Variants in ZNF283 observed in about 807,000 individuals in gnomAD.
ZNF283 encodes the protein zinc finger protein 283, also known as zinc finger protein 41.
ZNF283 carries 10 observed loss-of-function variants against 9.2 expected under a neutral mutation model. The ratio of observed to expected loss-of-function variants is 1.09; its 90% CI spans 0.67 to 1.85. ZNF283 has a LOEUF of 1.85. Ranked by LOEUF, ZNF283 falls within the 40% of genes most tolerant of loss-of-function variation. The pLI is 0.00. For missense variants in ZNF283, 631 were observed against 760.1 expected, an observed-to-expected ratio of 0.83 and a Z score of 2.00; for synonymous variants, 234 against 244.1, an observed-to-expected ratio of 0.96 and a Z score of 0.38.
chr19:43,844,700 AAAT>A (rs1259684364), intron 6 of ZNF283, among the ~76,000 whole-genome samples: 1 of 152,166 alleles, frequency 6.6e-6, no homozygotes, highest in Non-Finnish European at 1.5e-5. Flanking sequence ...AGCTCAACCA[AAAT>A]GTTATACAGT....
intron 6 of ZNF283, 47 bp from the exon 7 acceptor site, chr19:43,846,892 T>TTG: frequency 8.4e-7 from 1 of 1,192,326 alleles, no homozygotes; most frequent in Non-Finnish European, 1.1e-6. Context: ...TTTTTTTTTT[T>TTG]CCCTAGTGAA....
chr19:43,851,701 A>C lies in ZNF283; in HGVS notation c.*3060A>C, dbSNP rs1971616299. The stretch of plus-strand genomic sequence containing the variant: ...CACTGCACTCCAGCCTGGGCGACAG[A>C]GCGAGACTCCGTCTCAAAAAAATAA... On this transcript the variant is annotated 3_prime_UTR_variant, in exon 7 of 7. Coordinates refer to ENST00000618787, the MANE Select transcript of ZNF283 (RefSeq NM_181845.2). 6.6e-6 allele frequency: 1 copy of C among 152,288 alleles called. No individual in the cohort carries two copies. Among genetic ancestry groups the C allele is most frequent in the Non-Finnish European group, 1.5e-5 (1 of 68,082 alleles). The allele number at this position is 152,288 out of a possible 1,614,324, so 9.4% of individuals were successfully genotyped here.
chr19:43,836,291 A>G (rs1488985558), intron 5 of ZNF283, among the ~76,000 whole-genome samples: 1 of 152,212 alleles, frequency 6.6e-6, no homozygotes, highest in African/African-American at 2.4e-5. Flanking sequence ...AATCATTTTT[A>G]TAAAATAAAG....
At position 43,848,567 on chromosome 19, in the gene ZNF283, T is replaced by G; in HGVS notation, c.1966T>G (p.Tyr656Asp). Residue 656 changes from tyrosine to aspartate, a missense_variant, in exon 7 of 7, where the codon TAT becomes GAT. This residue lies in a region of ZNF283 where 444 missense variants were observed against 522.5 expected (regional missense o/e 0.85). Coordinates refer to ENST00000618787, the MANE Select transcript of ZNF283 (RefSeq NM_181845.2). Reference protein sequence around the residue: ...RTHSNDKPYKYNECGEAFLWT... With the variant: ...RTHSNDKPYKDNECGEAFLWT... ...TCATAGTAATGATAAACCCTACAAA[T>G]ATAACGAATGTGGGGAAGCCTTTCT... 6.3e-7 allele frequency: 1 copy of G among 1,598,370 alleles called. No individual in the cohort carries two copies. Among genetic ancestry groups the G allele is most frequent in the Admixed American group, 1.7e-5 (1 of 59,432 alleles).
intron 6 of ZNF283, among the ~76,000 whole-genome samples, chr19:43,843,272 C>T (rs60085895): frequency 0.4 from 61,473 of 151,914 alleles, 12,856 homozygotes; most frequent in South Asian, 0.55. Context: ...ACCCGAGAGG[C>T]GGAGGTTGCA....
chr19:43,842,939 A>C (rs956285016), intron 6 of ZNF283, among the ~76,000 whole-genome samples: 1 of 126,144 alleles, frequency 7.9e-6, no homozygotes, highest in Non-Finnish European at 1.8e-5. Flanking sequence ...TTATATATAC[A>C]TTTAAAAAAT....
intron 3 of ZNF283, among the ~76,000 whole-genome samples, chr19:43,832,916 G>T (rs2146536665): frequency 6.6e-6 from 1 of 151,500 alleles, no homozygotes; most frequent in East Asian, 1.9e-4. Context: ...TCTAGCTACT[G>T]GGGATGGAGG....
At position 43,847,798 on chromosome 19, in the gene ZNF283, T is replaced by C. The variant is rs4485481; in HGVS notation, c.1197T>C (p.Gly399=). 1.2e-5 allele frequency: 19 copies of C among 1,613,682 alleles called. No individual in the cohort carries two copies. The highest frequency in any genetic ancestry group is 1.5e-5 in the Non-Finnish European group (18 of 1,179,870). Residue 399 remains glycine (G), a synonymous_variant, in exon 7 of 7, where the codon GGT becomes GGC. Coordinates refer to ENST00000618787, the MANE Select transcript of ZNF283 (RefSeq NM_181845.2). ...CTCGACATCAGATATTTCATACTGG[T>C]GAGAAACCCTATGAATGCAAGGAAT... The part of the protein sequence containing the change: ...QLTRHQIFHT[G]EKPYECKECG...
chr19:43,828,759 G>T (rs1970580785), intron 2 of ZNF283, among the ~76,000 whole-genome samples: 3 of 152,168 alleles, frequency 2.0e-5, no homozygotes, highest in Admixed American at 2.0e-4. Flanking sequence ...GGGCTCAGGT[G>T]TTCCTCTGGC....
chr19:43,841,971 T>G (rs1307680339), intron 6 of ZNF283, among the ~76,000 whole-genome samples: 1 of 152,202 alleles, frequency 6.6e-6, no homozygotes, highest in Non-Finnish European at 1.5e-5. Context: ...TATGGTTCCT[T>G]TACATTTATC....
chr19:43,835,691 C>G (rs1970947176), intron 5 of ZNF283, 99 bp downstream of exon 5: 1 of 893,926 alleles, frequency 1.1e-6, no homozygotes, highest in East Asian at 2.7e-5. Context: ...CTCCATAGAC[C>G]CAAGTTTTCC....
At chr19:43,833,093 A>G (rs373318199) in intron 3 of ZNF283, among the ~76,000 whole-genome samples, 8 of 150,970 alleles carry the variant, frequency 5.3e-5, no homozygotes, top group African/African-American at 1.7e-4. Context: ...AGTATTTTGT[A>G]TGGATTTCTT....
chr19:43,835,628 A>AT (rs1223226804), intron 5 of ZNF283, 36 bp downstream of exon 5: 16 of 1,438,770 alleles, frequency 1.1e-5, no homozygotes, highest in Non-Finnish European at 1.5e-5. Context: ...AAATACTGTG[A>AT]TTTTTAGGGC....
rs1446356539 is a variant in ZNF283, at chr19:43,847,191, A to G, written c.590A>G (p.His197Arg). Reference sequence around the variant, plus strand: ...AGAAAAAGTAAATCTCTTACTCCACATCAAAGAATTCATAATACAGAGAAA... The same window carrying G: ...AGAAAAAGTAAATCTCTTACTCCACGTCAAAGAATTCATAATACAGAGAAA... ...SYRKSKSLTP[H>R]QRIHNTEKSY... The change falls in exon 7 of 7, where the codon CAT becomes CGT. Residue 197 changes from histidine (H) to arginine (R), a missense_variant. By Grantham distance (29) the His-to-Arg change is conservative. Around this residue, in one of 3 missense-constraint regions of ZNF283, gnomAD observed 184 missense variants for 220.0 expected, o/e 0.84. Transcript: ENST00000618787. 6.2e-7 allele frequency: 1 copy of G among 1,613,848 alleles called. No homozygotes were observed.
At position 43,837,090 on chromosome 19, in the gene ZNF283, C is replaced by T; in HGVS notation, c.248C>T (p.Ser83Phe). 1 of 1,614,126 alleles carries T rather than the reference C, an allele frequency of 6.2e-7. No individual in the cohort carries two copies. Among genetic ancestry groups the T allele is most frequent in the Non-Finnish European group, 8.5e-7 (1 of 1,180,014 alleles). The change falls in exon 6 of 7, where the codon TCT (serine) becomes TTT (phenylalanine). Residue 83 changes from serine (S) to phenylalanine (F), a missense_variant. Coordinates refer to ENST00000618787, the MANE Select transcript of ZNF283 (RefSeq NM_181845.2). ...VTFRDVAIDF[S>F]QEEWECLDPA... ...TTCAGGGATGTGGCCATCGACTTCT[C>T]TCAGGAGGAGTGGGAATGCCTGGAC...
In ZNF283 at chr19:43,849,955, A is replaced by G. The variant is rs973968499; in HGVS notation, c.*1314A>G. The stretch of plus-strand genomic sequence containing the variant: ...AGGAATGAATTCAGAAAAGCTTCCC[A>G]TAACCACTCATCCATTTGAATTTCA... On this transcript the variant is annotated 3_prime_UTR_variant, in exon 7 of 7. Transcript: ENST00000618787. 3.3e-5 allele frequency: 5 copies of G among 152,158 alleles called. No individual in the cohort carries two copies. The highest frequency in any genetic ancestry group is 1.2e-4 in the African/African-American group (5 of 41,396). The allele number at this position is 152,158 out of a possible 1,614,324, so 9.4% of individuals were successfully genotyped here.
At chr19:43,839,332 C>G (rs1039613721) in intron 6 of ZNF283, among the ~76,000 whole-genome samples, 1 of 151,458 alleles carries the variant, frequency 6.6e-6, no homozygotes, top group Non-Finnish European at 1.5e-5. Flanking sequence ...GTTGCAGATT[C>G]TTGTATGTGG....
intron 6 of ZNF283, among the ~76,000 whole-genome samples, chr19:43,839,689 G>A (rs1189413361): frequency 6.6e-6 from 1 of 151,910 alleles, no homozygotes; most frequent in East Asian, 1.9e-4. Flanking sequence ...TTTCAAGTTT[G>A]CTGAGTCTTT....
chr19:43,850,455 T>TG lies in ZNF283; in HGVS notation c.*1817dup, dbSNP rs1568428780. The TG allele has an allele frequency of 7.1e-6, 1 of 141,066 alleles. No homozygotes were observed. The highest frequency in any genetic ancestry group is 2.6e-5 in the African/African-American group (1 of 39,008). 8.7% of individuals were successfully genotyped at this position (141,066 alleles called of 1,614,324 possible). A position where few individuals can be genotyped will look rare whatever the true frequency, so the allele number is the denominator to read the frequency against. On this transcript the variant is annotated 3_prime_UTR_variant, in exon 7 of 7. Transcript: ENST00000618787. ...TATGTATTTTACTTTTTTTTTTTTTTGGGACAGGATCTCTCTTTCTGTCAC... is the reference window on the plus strand; with the variant it reads ...TATGTATTTTACTTTTTTTTTTTTTTGGGGACAGGATCTCTCTTTCTGTCAC...
Sources: gnomAD v4.1 joint callset for allele counts (sites outside exome capture counted in the v4.1 genomes callset) on GRCh38, gnomAD v4.1.1 for gene constraint, gnomAD v4.1.1 regional missense constraint, MANE v1.5 for transcripts, NCBI Gene and HGNC (gene_info 2026-07-23, HGNC 2026-07-21) for gene names.